Variants in TRPC7 observed in about 807,000 individuals in gnomAD.
TRPC7 encodes the protein short transient receptor potential channel 7.
TRPC7 carries 42 observed loss-of-function variants against 90.1 expected under a neutral mutation model. The observed-to-expected ratio is 0.47, with a 90% CI of 0.36 to 0.60. The LOEUF is 0.60. TRPC7 is among the 20% of genes least tolerant of loss of function. The pLI is 0.00. For synonymous variants in TRPC7, 451 were observed against 436.3 expected, an observed-to-expected ratio of 1.03 and a Z score of -0.42; for missense variants, 955 against 1,112.3, an observed-to-expected ratio of 0.86 and a Z score of 2.01.
At position 136,307,045 on chromosome 5, in the gene TRPC7, G is replaced by C. The variant is rs530072154; in HGVS notation, c.963+8552C>G. Reference sequence around the variant, plus strand: ...TGAAAATAGTTGTATGTATTTATGGGGTACAATGGATGTTTTGATATATGT... The same window carrying C: ...TGAAAATAGTTGTATGTATTTATGGCGTACAATGGATGTTTTGATATATGT... On this transcript the variant is annotated intron_variant, in intron 3 of 11. Transcript: ENST00000513104. Among the ~76,000 whole-genome samples, 4 of 151,998 alleles carry C rather than the reference G, an allele frequency of 2.6e-5. No individual in the cohort carries two copies. The East Asian group carries it at 7.7e-4, about 29-fold the overall frequency.
intron 3 of TRPC7, among the ~76,000 whole-genome samples, chr5:136,306,524 C>G (rs754467220): frequency 6.6e-6 from 1 of 152,148 alleles, no homozygotes; most frequent in African/African-American, 2.4e-5. Context: ...AAGACTTCAA[C>G]ACTATTTTAT....
chr5:136,324,090 TTTC>T (rs1316579879), intron 2 of TRPC7, among the ~76,000 whole-genome samples: 6 of 152,174 alleles, frequency 3.9e-5, no homozygotes, highest in Admixed American at 6.5e-5. Flanking sequence ...TTTACAAATT[TTTC>T]TTCATTTTAA....
chr5:136,284,974 CA>C (rs1402044643), intron 3 of TRPC7, among the ~76,000 whole-genome samples: 1 of 152,124 alleles, frequency 6.6e-6, no homozygotes, highest in Non-Finnish European at 1.5e-5. Context: ...GCAGAGATGA[CA>C]ATATTGATGA....
At chr5:136,338,834 G>A (rs1759750293) in intron 2 of TRPC7, among the ~76,000 whole-genome samples, 1 of 151,846 alleles carries the variant, frequency 6.6e-6, no homozygotes, top group African/African-American at 2.4e-5. Flanking sequence ...ATGGGCTGTT[G>A]GGAGAAAACA....
chr5:136,336,657 C>T (rs1236006048), intron 2 of TRPC7, among the ~76,000 whole-genome samples: 2 of 152,048 alleles, frequency 1.3e-5, no homozygotes, highest in African/African-American at 4.8e-5. Context: ...TATCCCTCCC[C>T]CTTTCCCCCG....
intron 4 of TRPC7, among the ~76,000 whole-genome samples, chr5:136,267,171 G>A (rs759856478): frequency 6.6e-5 from 10 of 152,132 alleles, no homozygotes; most frequent in Non-Finnish European, 1.2e-4. Context: ...GCTGGAAATG[G>A]TCCAAAAGAT....
intron 3 of TRPC7, among the ~76,000 whole-genome samples, chr5:136,295,033 C>G (rs1380518655): frequency 6.6e-6 from 1 of 151,388 alleles, no homozygotes; most frequent in South Asian, 2.1e-4. Context: ...CAAACCATCA[C>G]AAGGACAAAA....
chr5:136,332,851 A>T (rs1759540985), intron 2 of TRPC7, among the ~76,000 whole-genome samples: 1 of 152,192 alleles, frequency 6.6e-6, no homozygotes, highest in African/African-American at 2.4e-5. Flanking sequence ...GTTTGGTCAT[A>T]GGACTTGCTT....
At chr5:136,341,556 G>A (rs745696855) in intron 2 of TRPC7, among the ~76,000 whole-genome samples, 2 of 152,092 alleles carry the variant, frequency 1.3e-5, no homozygotes, top group Non-Finnish European at 2.9e-5. Context: ...CTGAGTCTGG[G>A]AATTGACACT....
At chr5:136,227,046 T>C (rs992578552) in intron 8 of TRPC7, among the ~76,000 whole-genome samples, 1 of 152,210 alleles carries the variant, frequency 6.6e-6, no homozygotes. Context: ...AGGATGTTTA[T>C]AGATCTTGCA....
intron 11 of TRPC7, among the ~76,000 whole-genome samples, chr5:136,215,767 G>A (rs1032217659): frequency 1.3e-5 from 2 of 151,834 alleles, no homozygotes; most frequent in African/African-American, 2.4e-5. Context: ...AGGTTGCAGT[G>A]GGCCGAGATT....
intron 8 of TRPC7, 21 bp from the exon 9 acceptor site, chr5:136,226,276 C>T: frequency 1.3e-6 from 2 of 1,536,408 alleles, no homozygotes; most frequent in East Asian, 2.4e-5. Context: ...AGGGAAACAA[C>T]AACACACCCT....
At chr5:136,245,228 C>T (rs914909500) in intron 7 of TRPC7, among the ~76,000 whole-genome samples, 4 of 152,174 alleles carry the variant, frequency 2.6e-5, no homozygotes, top group Non-Finnish European at 4.4e-5. Context: ...GCCTGTGGGC[C>T]GAGGAGCAGA....
intron 1 of TRPC7, among the ~76,000 whole-genome samples, chr5:136,358,897 G>A (rs971518163): frequency 6.6e-5 from 10 of 152,234 alleles, no homozygotes; most frequent in South Asian, 6.2e-4. Context: ...GAGTGTATCC[G>A]TTTTAAAGAG....
Position 136,231,654 on chromosome 5 carries a change from G to GAGT in TRPC7, c.1845-108_1845-106dup. ...GGGTCTCACTCTGTTGCCTAGGCTG[G>GAGT]AGTGCAGTGGCTCAATCATGGCTCA... On this transcript the variant is annotated intron_variant, in intron 7 of 11. Transcript: ENST00000513104. 3.8e-6 allele frequency: 4 copies of GAGT among 1,065,552 alleles called. No homozygotes were observed. The South Asian group carries it at 6.6e-5, about 18-fold the overall frequency. The allele number at this position is 1,065,552 out of a possible 1,614,324, so 66.0% of individuals were successfully genotyped here.
intron 10 of TRPC7, among the ~76,000 whole-genome samples, chr5:136,224,698 C>T (rs940082350): frequency 5.3e-5 from 8 of 152,114 alleles, no homozygotes; most frequent in East Asian, 1.9e-4. Context: ...TTTCTTAAAG[C>T]GCGAATACAA....
intron 3 of TRPC7, among the ~76,000 whole-genome samples, chr5:136,293,847 A>G (rs562572126): frequency 4.5e-4 from 69 of 152,340 alleles, no homozygotes; most frequent in African/African-American, 1.4e-3. Context: ...ATCCTAAGCC[A>G]AAAGAACAAA....
chr5:136,225,700 T>G (rs1160360770), intron 9 of TRPC7, among the ~76,000 whole-genome samples: 2 of 152,150 alleles, frequency 1.3e-5, no homozygotes, highest in Non-Finnish European at 2.9e-5. Flanking sequence ...TCAGAGATCA[T>G]TTTCCAGATA....
chr5:136,324,895 T>G (rs1264511362), intron 2 of TRPC7, among the ~76,000 whole-genome samples: 1 of 152,188 alleles, frequency 6.6e-6, no homozygotes, highest in East Asian at 1.9e-4. Context: ...AGAAATTAGA[T>G]TTTAAAAGAG....
Sources: gnomAD v4.1 joint callset for allele counts (sites outside exome capture counted in the v4.1 genomes callset) on GRCh38, gnomAD v4.1.1 for gene constraint, MANE v1.5 for transcripts, NCBI Gene and HGNC (gene_info 2026-07-23, HGNC 2026-07-21) for gene names.